Variants in SNTG2 observed in about 807,000 individuals in gnomAD.
SNTG2 encodes the protein gamma-2-syntrophin.
SNTG2 carries 74 observed loss-of-function variants against 70.9 expected under a neutral mutation model. The observed-to-expected ratio is 1.04, with a 90% CI of 0.86 to 1.27. SNTG2 has a LOEUF of 1.27. Ranked by LOEUF, SNTG2 falls within the 50% of genes most tolerant of loss-of-function variation. The pLI is 0.00. For synonymous variants in SNTG2, 278 were observed against 273.8 expected (o/e 1.02, Z -0.15); for missense variants, 717 against 690.7 (o/e 1.04, Z -0.43).
intron 14 of SNTG2, among the ~76,000 whole-genome samples, chr2:1,289,837 C>G (rs551601790): frequency 1.6e-4 from 25 of 152,300 alleles, no homozygotes; most frequent in Non-Finnish European, 2.5e-4. Flanking sequence ...CACTCCCCGT[C>G]TCTATGAATC....
intron 1 of SNTG2, among the ~76,000 whole-genome samples, chr2:1,024,730 T>TGA (rs1660381405): frequency 6.6e-6 from 1 of 152,130 alleles, no homozygotes; most frequent in Non-Finnish European, 1.5e-5. Flanking sequence ...AATGAAAAGA[T>TGA]GAGAATTAAT....
At chr2:995,352 G>A (rs1661643991) in intron 1 of SNTG2, among the ~76,000 whole-genome samples, 1 of 152,024 alleles carries the variant, frequency 6.6e-6, no homozygotes, top group South Asian at 2.1e-4. Context: ...TACTGCATAT[G>A]GGGTGGGGTA....
chr2:1,043,966 G>A (rs542952127), intron 1 of SNTG2, among the ~76,000 whole-genome samples: 55 of 152,224 alleles, frequency 3.6e-4, no homozygotes, highest in African/African-American at 1.2e-3. Flanking sequence ...GTAGTTTGAT[G>A]GGAATAACAC....
intron 1 of SNTG2, among the ~76,000 whole-genome samples, chr2:1,019,697 G>A (rs539866106): frequency 5.6e-4 from 86 of 152,292 alleles, no homozygotes; most frequent in African/African-American, 2.0e-3. Context: ...GGCAGTTTTA[G>A]CTGAGGGATA....
At chr2:1,270,785 T>C (rs1429106647) in intron 14 of SNTG2, among the ~76,000 whole-genome samples, 1 of 152,254 alleles carries the variant, frequency 6.6e-6, no homozygotes, top group Non-Finnish European at 1.5e-5. Flanking sequence ...TTTTTTCTAC[T>C]ATTTCCTGAC....
intron 13 of SNTG2, among the ~76,000 whole-genome samples, chr2:1,266,429 C>G (rs968024869): frequency 6.6e-6 from 1 of 152,208 alleles, no homozygotes; most frequent in Non-Finnish European, 1.5e-5. Context: ...GATTAATAGA[C>G]GTGCTGTAAG....
rs193074950 is a variant in SNTG2 at position 990,846 on chromosome 2, G to A, written c.72+39778G>A. On this transcript the variant is annotated intron_variant, in intron 1 of 16. Coordinates refer to ENST00000308624, the MANE Select transcript of SNTG2 (RefSeq NM_018968.4). ...CCGTCCTAAGTCAGAGGGAAAAGTT[G>A]GCACCCTTTTCTTAGAAAAAAAAAA... Among the ~76,000 whole-genome samples, 415 of 151,278 alleles carry A rather than the reference G, an allele frequency of 2.7e-3. 2 individuals are homozygous for A. The highest frequency in any genetic ancestry group is 3.8e-3 in the Admixed American group (58 of 15,232).
intron 8 of SNTG2, among the ~76,000 whole-genome samples, chr2:1,179,868 G>C: frequency 7.0e-6 from 1 of 142,986 alleles, no homozygotes; most frequent in Admixed American, 7.4e-5. Context: ...CCAAAACAGA[G>C]ATATAGATCA....
chr2:1,138,806 T>TTATCAATTAGTGTTTA (rs1194561583), intron 6 of SNTG2, among the ~76,000 whole-genome samples: 2 of 152,210 alleles, frequency 1.3e-5, no homozygotes, highest in Admixed American at 6.5e-5. Flanking sequence ...TGTTTATCTT[T>TTATCAATTAGTGTTTA]TCAATTAGCC....
intron 1 of SNTG2, among the ~76,000 whole-genome samples, chr2:963,902 T>TTTTCTTCTTTTTG (rs565210032): frequency 1.3e-5 from 2 of 152,172 alleles, no homozygotes; most frequent in African/African-American, 4.8e-5. Context: ...TCTGTCTTCA[T>TTTTCTTCTTTTTG]TTTCTTCTTT....
chr2:979,681 T>G (rs1157526081), intron 1 of SNTG2, among the ~76,000 whole-genome samples: 4 of 152,190 alleles, frequency 2.6e-5, no homozygotes, highest in African/African-American at 9.7e-5. Flanking sequence ...TAAAAAGACA[T>G]TTGCTTTTCT....
At chr2:1,231,051 TGCGAGG>T (rs1240759317) in intron 9 of SNTG2, among the ~76,000 whole-genome samples, 38 of 150,278 alleles carry the variant, frequency 2.5e-4, no homozygotes, top group Non-Finnish European at 3.4e-4. Context: ...ATAGGGTCAC[TGCGAGG>T]GTGAAATAGA....
At chr2:1,006,941 A>C (rs1217142459) in intron 1 of SNTG2, among the ~76,000 whole-genome samples, 2 of 152,138 alleles carry the variant, frequency 1.3e-5, no homozygotes, top group African/African-American at 4.8e-5. Flanking sequence ...AGGCAGGAGA[A>C]TCGCTTGAAC....
At chr2:1,208,202 G>T (rs1404791998) in intron 8 of SNTG2, among the ~76,000 whole-genome samples, 1 of 151,864 alleles carries the variant, frequency 6.6e-6, no homozygotes, top group Admixed American at 6.6e-5. Flanking sequence ...GTGAGTGTGG[G>T]GCTTGCCTGT....
rs142852798 is a variant in SNTG2, at chr2:1,251,983, A to C, written c.1005+4540A>C. On this transcript the variant is annotated intron_variant, in intron 12 of 16. Transcript: ENST00000308624. The stretch of plus-strand genomic sequence containing the variant: ...GGATCTTTGTAAGTTTGAAATGTTT[A>C]AAGATTTCCAAAGGGAGGTTTTTGA... Among the ~76,000 whole-genome samples the C allele has an allele frequency of 2.8e-3, 431 of 152,316 alleles. 3 individuals carry two copies. The highest frequency in any genetic ancestry group is 9.7e-3 in the African/African-American group (404 of 41,572).
intron 8 of SNTG2, among the ~76,000 whole-genome samples, chr2:1,203,180 T>C (rs1457608869): frequency 6.6e-6 from 1 of 152,176 alleles, no homozygotes; most frequent in African/African-American, 2.4e-5. Flanking sequence ...GATCTACTAC[T>C]TAGGACTAAA....
At chr2:1,237,223 G>A (rs1003867030) in intron 9 of SNTG2, among the ~76,000 whole-genome samples, 3 of 152,140 alleles carry the variant, frequency 2.0e-5, no homozygotes, top group Non-Finnish European at 2.9e-5. Flanking sequence ...GATTATAGGC[G>A]TGAGCCACTG....
chr2:1,360,988 C>T (rs192688754), intron 16 of SNTG2, among the ~76,000 whole-genome samples: 2 of 152,338 alleles, frequency 1.3e-5, no homozygotes, highest in Non-Finnish European at 2.9e-5. Context: ...AAAGCTGATG[C>T]AGTCCCCAGC....
At chr2:1,047,452 T>C (rs941491046) in intron 1 of SNTG2, among the ~76,000 whole-genome samples, 1 of 152,224 alleles carries the variant, frequency 6.6e-6, no homozygotes, top group South Asian at 2.1e-4. Flanking sequence ...AGAATTCTTG[T>C]GCTGGTTCTT....
Sources: allele counts gnomAD v4.1 joint callset (sites outside exome capture counted in the v4.1 genomes callset), GRCh38; gene constraint gnomAD v4.1.1; transcripts MANE v1.5; gene names NCBI Gene and HGNC (gene_info 2026-07-23, HGNC 2026-07-21).